CBX3: variants seen among roughly 807,000 people sequenced by gnomAD.
The protein encoded by CBX3 is chromobox 3, also known as chromobox protein homolog 3.
In CBX3, 5 loss-of-function variants were observed where a neutral mutation model predicts 22.6. The ratio of observed to expected loss-of-function variants is 0.22; its 90% CI spans 0.12 to 0.47. CBX3 has a LOEUF of 0.47. CBX3 is among the 20% of genes least tolerant of loss of function. The pLI, the probability that CBX3 is intolerant of heterozygous loss-of-function variation, is 0.99. For missense variants in CBX3, 83 were observed against 208.1 expected (o/e 0.40, Z 3.70); for synonymous variants, 50 against 66.6 (o/e 0.75, Z 1.21).
chr7:26,202,925 T>A, intron 1 of CBX3, 46 bp from the exon 2 acceptor site: 2 of 1,223,952 alleles, frequency 1.6e-6, no homozygotes, highest in South Asian at 2.4e-5. Flanking sequence ...TTAGTTACCT[T>A]TTTTGTGTCA....
rs1784818892 is a variant in CBX3 at position 26,212,290 on chromosome 7, ATAAC to A, written c.*85_*88del. 6.1e-6 allele frequency: 5 copies of A among 824,488 alleles called. No individual in the cohort carries two copies. The highest frequency in any genetic ancestry group is 7.9e-6 in the Non-Finnish European group (5 of 631,702). The allele number at this position is 824,488 out of a possible 1,614,324, so 51.1% of individuals were successfully genotyped here. The stretch of plus-strand genomic sequence containing the variant: ...GATTTTGATTTACTAGTGTGACAAA[ATAAC>A]TACATCCTAATGAAAATCAAGTTTG... On this transcript the variant is annotated 3_prime_UTR_variant, in exon 6 of 6. Transcript: ENST00000396386.
At chr7:26,208,247 G>GT (rs1784724787) in intron 3 of CBX3, 146 bp from the exon 4 acceptor site, 1 of 548,216 alleles carries the variant, frequency 1.8e-6, no homozygotes, top group Admixed American at 3.2e-5. Flanking sequence ...GGGGGGTGGG[G>GT]TAATGTAGGG....
intron 2 of CBX3, among the ~76,000 whole-genome samples, chr7:26,205,783 C>T (rs979591048): frequency 2.0e-5 from 3 of 152,104 alleles, no homozygotes; most frequent in Non-Finnish European, 2.9e-5. Flanking sequence ...AATTAGTAAA[C>T]TTGGTCTTTT....
chr7:26,209,652 C>G (rs1374700672), intron 4 of CBX3, among the ~76,000 whole-genome samples: 1 of 152,084 alleles, frequency 6.6e-6, no homozygotes, highest in Non-Finnish European at 1.5e-5. Flanking sequence ...TTGAGACATT[C>G]AGTTCATTCA....
Position 26,202,961 on chromosome 7 carries a change from AT to A in CBX3, c.-28-5del, listed in dbSNP as rs1562742423. On this transcript the variant is annotated splice_polypyrimidine_tract_variant and intron_variant, in intron 1 of 5. Coordinates refer to ENST00000396386, the MANE Select transcript of CBX3 (RefSeq NM_016587.4). ...TGCAAACTTACCTTAACTGTCATGC[AT>A]TTTTCTAGTAATAGCTCTTCAAGTC... 1 of 1,573,854 alleles carries A rather than the reference AT, an allele frequency of 6.4e-7. No homozygotes were observed. Among genetic ancestry groups the A allele is most frequent in the South Asian group, 1.1e-5 (1 of 89,674 alleles).
Position 26,202,977 on chromosome 7 carries a change from CTCT to C in CBX3, c.-19_-17del, listed in dbSNP as rs760585166. 3.1e-6 allele frequency: 5 copies of C among 1,598,382 alleles called. 1 individual carries two copies. The South Asian group carries it at 4.4e-5, about 14-fold the overall frequency. On this transcript the variant is annotated 5_prime_UTR_variant, in exon 2 of 6. Coordinates refer to ENST00000396386, the MANE Select transcript of CBX3 (RefSeq NM_016587.4). ...CTGTCATGCATTTTTCTAGTAATAG[CTCT>C]TCAAGTCTGCAATAAAAAATGGCCT...
chr7:26,212,025 G>T, intron 5 of CBX3, 57 bp from the exon 6 acceptor site: 1 of 1,424,562 alleles, frequency 7.0e-7, no homozygotes, highest in East Asian at 2.5e-5. Context: ...ATGAATGGCT[G>T]TCGGTTGACA....
chr7:26,208,691 G>C, intron 4 of CBX3, 136 bp downstream of exon 4: 1 of 733,368 alleles, frequency 1.4e-6, no homozygotes, highest in South Asian at 2.1e-5. Context: ...CATGATCTTG[G>C]TCACTGCAAC....
intron 2 of CBX3, among the ~76,000 whole-genome samples, chr7:26,205,055 C>G (rs943208278): frequency 1.3e-5 from 2 of 152,212 alleles, no homozygotes; most frequent in African/African-American, 4.8e-5. Flanking sequence ...TCCCAAAGTG[C>G]TGGGATTACA....
chr7:26,203,915 C>T (rs1424338380), intron 2 of CBX3, among the ~76,000 whole-genome samples: 1 of 152,160 alleles, frequency 6.6e-6, no homozygotes, highest in African/African-American at 2.4e-5. Flanking sequence ...TCTGTTTACC[C>T]TGGAAAACAG....
At chr7:26,202,883 C>T (rs988833375) in intron 1 of CBX3, 88 bp from the exon 2 acceptor site, 9 of 796,390 alleles carry the variant, frequency 1.1e-5, no homozygotes, top group Non-Finnish European at 2.0e-5. Flanking sequence ...GCGCTCTCTA[C>T]TTGGGGGTTG....
chr7:26,208,003 G>A (rs923344014), intron 3 of CBX3: 1 of 153,710 alleles, frequency 6.5e-6, no homozygotes, highest in African/African-American at 2.4e-5. Flanking sequence ...TTGACACCAG[G>A]AATTCAAGAC....
chr7:26,203,152 A>G, intron 2 of CBX3, 130 bp downstream of exon 2: 1 of 706,864 alleles, frequency 1.4e-6, no homozygotes, highest in Non-Finnish European at 2.4e-6. Flanking sequence ...TGTAAATTAC[A>G]GGGGAAAATT....
At chr7:26,211,112 T>C (rs928369906) in intron 4 of CBX3, among the ~76,000 whole-genome samples, 1 of 151,860 alleles carries the variant, frequency 6.6e-6, no homozygotes, top group Middle Eastern at 3.2e-3. Flanking sequence ...CAAGAAAGTT[T>C]CAATGTTTTA....
chr7:26,213,146 C>G lies in CBX3; in HGVS notation c.*938C>G, dbSNP rs913229770. 2.6e-5 allele frequency: 4 copies of G among 152,648 alleles called. No individual in the cohort carries two copies. The highest frequency in any genetic ancestry group is 9.6e-5 in the African/African-American group (4 of 41,472). The allele number at this position is 152,648 out of a possible 1,614,324, so 9.5% of individuals were successfully genotyped here. A position where few individuals can be genotyped will look rare whatever the true frequency, so the allele number is the denominator to read the frequency against. On this transcript the variant is annotated 3_prime_UTR_variant, in exon 6 of 6. Coordinates refer to ENST00000396386, the MANE Select transcript of CBX3 (RefSeq NM_016587.4). ...CTGCTGTCATAAATGTGTGAACAAC[C>G]TTTTGTAACCTAACCTATTGACCTG...
intron 2 of CBX3, among the ~76,000 whole-genome samples, chr7:26,204,360 C>G (rs1437062862): frequency 6.6e-6 from 1 of 152,066 alleles, no homozygotes; most frequent in African/African-American, 2.4e-5. Context: ...GTATCTGATA[C>G]ACTTCTGTCT....
intron 2 of CBX3, chr7:26,206,150 T>C: frequency 2.2e-6 from 1 of 451,122 alleles, no homozygotes. Context: ...TATTGTATTA[T>C]TTTGGTGGTG....
At chr7:26,204,254 T>C (rs544423595) in intron 2 of CBX3, among the ~76,000 whole-genome samples, 2 of 152,136 alleles carry the variant, frequency 1.3e-5, no homozygotes, top group African/African-American at 4.8e-5. Flanking sequence ...TAAACCTTAG[T>C]GTGTATCCTT....
intron 1 of CBX3, chr7:26,202,517 G>A (rs1784548647): frequency 6.5e-6 from 1 of 154,012 alleles, no homozygotes; most frequent in Admixed American, 6.5e-5. Context: ...TTTTCCTTTT[G>A]TTATTTAATT....
Sources: gnomAD v4.1 joint callset for allele counts (sites outside exome capture counted in the v4.1 genomes callset) on GRCh38, gnomAD v4.1.1 for gene constraint, MANE v1.5 for transcripts, NCBI Gene and HGNC (gene_info 2026-07-23, HGNC 2026-07-21) for gene names.